Variants in MKRN3 observed in about 807,000 individuals in gnomAD.
The protein encoded by MKRN3 is E3 ubiquitin-protein ligase makorin-3.
For missense variants in MKRN3, 749 were observed against 667.0 expected (o/e 1.12, Z -1.35); for synonymous variants, 301 against 250.2 (o/e 1.20, Z -1.91).
Position 23,566,210 on chromosome 15 carries a change from C to T in MKRN3, c.428C>T (p.Pro143Leu), listed in dbSNP as rs536586920. The part of the protein sequence containing the change: ...SPPGASAGGG[P>L]STAAHIEPPT... ...CCTGGGGCCTCTGCAGGTGGAGGCC[C>T]TAGCACGGCTGCGCACATCGAGCCC... The change falls in exon 1 of 1, where the codon CCT becomes CTT. Residue 143 changes from proline to leucine, a missense_variant. Physicochemically the swap from Pro to Leu is moderately conservative, Grantham distance 98. Coordinates refer to ENST00000314520, the MANE Select transcript of MKRN3 (RefSeq NM_005664.4). 56 of 1,613,656 alleles carry T rather than the reference C, an allele frequency of 3.5e-5. No individual in the cohort carries two copies. In the East Asian group the frequency reaches 4.2e-4, roughly 12 times the overall value.
In MKRN3 at chr15:23,566,082, C is replaced by G. The variant is rs1337381352; in HGVS notation, c.300C>G (p.Ile100Met). Residue 100 changes from isoleucine (I) to methionine (M), a missense_variant, in exon 1 of 1, where the codon ATC becomes ATG. Ile to Met is a conservative substitution (Grantham distance 10). Coordinates refer to ENST00000314520, the MANE Select transcript of MKRN3 (RefSeq NM_005664.4). ...GCGGCATTTGGACAAAGCAGATCAT[C>G]TGCAGGTATTATATACATGGGCAGT... ...RSSGIWTKQI[I>M]CRYYIHGQCK... The G allele has an allele frequency of 5.0e-6, 8 of 1,614,200 alleles. No homozygotes were observed. Among genetic ancestry groups the G allele is most frequent in the Middle Eastern group, 1.6e-4 (1 of 6,062 alleles).
At position 23,567,653 on chromosome 15, in the gene MKRN3, G is replaced by A; in HGVS notation, c.*347G>A. On this transcript the variant is annotated 3_prime_UTR_variant, in exon 1 of 1. Transcript: ENST00000314520. ...TAAATGTGGCAGAGTGAAAGGAGAA[G>A]TTTTAATTGAACTAGTAGCTTTGTG... 4 of 1,089,080 alleles carry A rather than the reference G, an allele frequency of 3.7e-6. No individual in the cohort carries two copies. The African/African-American group carries it at 6.7e-5, about 18-fold the overall frequency. 67.5% of individuals were successfully genotyped at this position (1,089,080 alleles called of 1,614,324 possible).
chr15:23,565,746 A>G lies in MKRN3; in HGVS notation c.-37A>G. On this transcript the variant is annotated 5_prime_UTR_variant, in exon 1 of 1. Transcript: ENST00000314520. ...CAAGCCCATAAAGAAAAAATACCGG[A>G]GAGGTTCTGGCACCATTTCGGGGTG... The G allele has an allele frequency of 6.6e-7, 1 of 1,508,994 alleles. No homozygotes were observed. Among genetic ancestry groups the G allele is most frequent in the Non-Finnish European group, 8.9e-7 (1 of 1,125,734 alleles). The allele number at this position is 1,508,994 out of a possible 1,614,324, so 93.5% of individuals were successfully genotyped here.
Position 23,566,437 on chromosome 15 carries a change from T to G in MKRN3, c.655T>G (p.Ser219Ala), listed in dbSNP as rs778208449. The G allele has an allele frequency of 2.4e-5, 38 of 1,614,102 alleles. No homozygotes were observed. In the South Asian group the frequency reaches 4.2e-4, roughly 18 times the overall value. Residue 219 changes from serine to alanine, a missense_variant, in exon 1 of 1, where the codon TCT (serine) becomes GCT (alanine). Coordinates refer to ENST00000314520, the MANE Select transcript of MKRN3 (RefSeq NM_005664.4). ...GQPYRGRWVA[S>A]APEAPLQSSE... ...GCCCTACCGGGGCCGCTGGGTTGCA[T>G]CTGCCCCCGAGGCTCCTCTACAGAG...
rs1030807940 is a variant in MKRN3 at position 23,567,945 on chromosome 15, G to GA, written c.*646dup. 18 of 711,686 alleles carry GA rather than the reference G, an allele frequency of 2.5e-5. No individual in the cohort carries two copies. Among genetic ancestry groups the GA allele is most frequent in the South Asian group, 6.5e-5 (1 of 15,338 alleles). The allele number at this position is 711,686 out of a possible 1,614,324, so 44.1% of individuals were successfully genotyped here. On this transcript the variant is annotated 3_prime_UTR_variant, in exon 1 of 1. Transcript: ENST00000314520. Reference sequence around the variant, plus strand: ...ATATATGTATAAGAGTTATGTATTTGAAAAAAATATATAAAAGAATATACA... The same window carrying GA: ...ATATATGTATAAGAGTTATGTATTTGAAAAAAAATATATAAAAGAATATACA...
Position 23,566,970 on chromosome 15 carries a change from C to A in MKRN3, c.1188C>A (p.Ser396Arg), listed in dbSNP as rs760883125. ...TTCAGCAATACAAGGAGGCAATGAGCAACAAGGCCTGCAGGTATTTTGCGG... is the reference window on the plus strand; with the variant it reads ...TTCAGCAATACAAGGAGGCAATGAGAAACAAGGCCTGCAGGTATTTTGCGG... ...KLIQQYKEAM[S>R]NKACRYFAEG... is the part of the protein sequence containing the mutation. Residue 396 changes from serine to arginine, a missense_variant, in exon 1 of 1, where the codon AGC (serine) becomes AGA (arginine). Coordinates refer to ENST00000314520, the MANE Select transcript of MKRN3 (RefSeq NM_005664.4). 1.4e-5 allele frequency: 22 copies of A among 1,614,208 alleles called. No homozygotes were observed. The East Asian group carries it at 4.7e-4, about 34-fold the overall frequency.
chr15:23,567,687 G>C lies in MKRN3; in HGVS notation c.*381G>C, dbSNP rs1232985614. 2 of 1,044,646 alleles carry C rather than the reference G, an allele frequency of 1.9e-6. No individual in the cohort carries two copies. Among genetic ancestry groups the C allele is most frequent in the African/African-American group, 3.5e-5 (2 of 57,956 alleles). The allele number at this position is 1,044,646 out of a possible 1,614,324, so 64.7% of individuals were successfully genotyped here. ...GAACTAGTAGCTTTGTGCTATAATA[G>C]CCTTAACAAATGGACCCTTGCAGGG... On this transcript the variant is annotated 3_prime_UTR_variant, in exon 1 of 1. Coordinates refer to ENST00000314520, the MANE Select transcript of MKRN3 (RefSeq NM_005664.4).
At position 23,566,360 on chromosome 15, in the gene MKRN3, G is replaced by C. The variant is rs144024620; in HGVS notation, c.578G>C (p.Gly193Ala). 2.7e-5 allele frequency: 43 copies of C among 1,614,072 alleles called. No individual in the cohort carries two copies. The highest frequency in any genetic ancestry group is 3.6e-5 in the Non-Finnish European group (43 of 1,180,038). The part of the protein sequence containing the change: ...ERDNADRGAA[G>A]GAGVESWADA... ...GACAATGCAGACCGTGGAGCTGCTG[G>C]AGGAGCAGGTGTAGAAAGCTGGGCG... The change falls in exon 1 of 1, where the codon GGA (glycine) becomes GCA (alanine). Residue 193 changes from glycine to alanine, a missense_variant. Transcript: ENST00000314520.
chr15:23,567,419 G>C lies in MKRN3; in HGVS notation c.*113G>C. 6.6e-7 allele frequency: 1 copy of C among 1,514,130 alleles called. No individual in the cohort carries two copies. Among genetic ancestry groups the C allele is most frequent in the Non-Finnish European group, 8.8e-7 (1 of 1,132,364 alleles). 93.8% of individuals were successfully genotyped at this position (1,514,130 alleles called of 1,614,324 possible). On this transcript the variant is annotated 3_prime_UTR_variant, in exon 1 of 1. Transcript: ENST00000314520. ...CAGGGGCTGTTGAGGCAGTGCTTCT[G>C]TTTTCTTGTCTATTCTGCATATCTT...
In MKRN3 at chr15:23,566,278, C is replaced by A. The variant is rs757781328; in HGVS notation, c.496C>A (p.Leu166Ile). 4 of 1,614,000 alleles carry A rather than the reference C, an allele frequency of 2.5e-6. No individual in the cohort carries two copies. Among genetic ancestry groups the A allele is most frequent in the East Asian group, 4.5e-5 (2 of 44,886 alleles). The change falls in exon 1 of 1, where the codon CTT (leucine) becomes ATT (isoleucine). Residue 166 changes from leucine to isoleucine, a missense_variant. Transcript: ENST00000314520. ...VAEAPPAASS[L>I]SLPVIGSAAE... ...GGAAGCCCCCCCGGCTGCATCCTCC[C>A]TTTCCTTGCCTGTGATTGGCTCGGC... is the stretch of plus-strand genomic sequence containing the variant.
Position 23,565,983 on chromosome 15 carries a change from C to T in MKRN3, c.201C>T (p.Leu67=). ...CTGTAGCTCCAGTCCCTGCCCACCTCCGCAGAGGAGGCCTGAGGCCTGCCC... is the reference window on the plus strand; with the variant it reads ...CTGTAGCTCCAGTCCCTGCCCACCTTCGCAGAGGAGGCCTGAGGCCTGCCC... ...PFPVAPVPAH[L]RRGGLRPAPA... Residue 67 remains leucine, a synonymous_variant, in exon 1 of 1, where the codon CTC becomes CTT. Coordinates refer to ENST00000314520, the MANE Select transcript of MKRN3 (RefSeq NM_005664.4). The T allele has an allele frequency of 1.2e-6, 2 of 1,613,824 alleles. No individual in the cohort carries two copies. The highest frequency in any genetic ancestry group is 1.7e-6 in the Non-Finnish European group (2 of 1,179,928).
rs1386614707 is a variant in MKRN3, at chr15:23,566,617, G to A, written c.835G>A (p.Ala279Thr). 3 of 1,614,108 alleles carry A rather than the reference G, an allele frequency of 1.9e-6. No homozygotes were observed. The highest frequency in any genetic ancestry group is 3.3e-5 in the Admixed American group (2 of 60,008). The change falls in exon 1 of 1, where the codon GCT (alanine) becomes ACT (threonine). Residue 279 changes from alanine to threonine, a missense_variant. By Grantham distance (58) the Ala-to-Thr change is moderately conservative. Coordinates refer to ENST00000314520, the MANE Select transcript of MKRN3 (RefSeq NM_005664.4). ...GCTGCAGACCTTGCACCCCATGGAT[G>A]CTGCCCAGAGGGAAGAACATATGAG... ...CGLQTLHPMDAAQREEHMRAC... is the reference protein window; with the variant it reads ...CGLQTLHPMDTAQREEHMRAC...
rs1378619396 is a variant in MKRN3 at position 23,566,337 on chromosome 15, C to T, written c.555C>T (p.Asp185=). 6.2e-7 allele frequency: 1 copy of T among 1,614,180 alleles called. No individual in the cohort carries two copies. The highest frequency in any genetic ancestry group is 8.5e-7 in the Non-Finnish European group (1 of 1,180,036). The change falls in exon 1 of 1, where the codon GAC becomes GAT. Residue 185 remains aspartate (D), a synonymous_variant. Coordinates refer to ENST00000314520, the MANE Select transcript of MKRN3 (RefSeq NM_005664.4). The part of the protein sequence containing the change: ...AERGFFEAER[D]NADRGAAGGA... ...GGGGTTTCTTTGAAGCCGAGAGAGA[C>T]AATGCAGACCGTGGAGCTGCTGGAG...
rs1455327857 is a variant in MKRN3, at chr15:23,567,320, C to T, written c.*14C>T. 1.2e-6 allele frequency: 2 copies of T among 1,611,806 alleles called. No homozygotes were observed. The highest frequency in any genetic ancestry group is 1.7e-6 in the Non-Finnish European group (2 of 1,178,732). On this transcript the variant is annotated 3_prime_UTR_variant, in exon 1 of 1. Coordinates refer to ENST00000314520, the MANE Select transcript of MKRN3 (RefSeq NM_005664.4). The stretch of plus-strand genomic sequence containing the variant: ...TTGATTCTGTAGCATCGTGCTGTGG[C>T]ATGTGGTCTAGTCTGCTGAGGTTCT...
In MKRN3 at chr15:23,566,808, G is replaced by T. The variant is rs1889107391; in HGVS notation, c.1026G>T (p.Arg342Ser). The change falls in exon 1 of 1, where the codon AGG becomes AGT. Residue 342 changes from arginine to serine, a missense_variant. Physicochemically the swap from Arg to Ser is moderately radical, Grantham distance 110. Transcript: ENST00000314520. ...ATTGCAACCATTCCTTCTGTATTAGGTGTATCCGCAGGTGGAGAAGTGCCA... is the reference window on the plus strand; with the variant it reads ...ATTGCAACCATTCCTTCTGTATTAGTTGTATCCGCAGGTGGAGAAGTGCCA... ...LSNCNHSFCI[R>S]CIRRWRSARQ... 2 of 1,614,232 alleles carry T rather than the reference G, an allele frequency of 1.2e-6. No individual in the cohort carries two copies. Among genetic ancestry groups the T allele is most frequent in the African/African-American group, 2.7e-5 (2 of 75,050 alleles).
rs1412553903 is a variant in MKRN3 at position 23,566,796 on chromosome 15, C to T, written c.1014C>T (p.Ser338=). ...GCATTCTTTCCAATTGCAACCATTC[C>T]TTCTGTATTAGGTGTATCCGCAGGT... The part of the protein sequence containing the change: ...RFGILSNCNH[S]FCIRCIRRWR... Residue 338 remains serine, a synonymous_variant, in exon 1 of 1, where the codon TCC becomes TCT. Transcript: ENST00000314520. The T allele has an allele frequency of 3.1e-6, 5 of 1,614,106 alleles. No individual in the cohort carries two copies. Among genetic ancestry groups the T allele is most frequent in the Non-Finnish European group, 3.4e-6 (4 of 1,180,048 alleles).
rs1889134473 is a variant in MKRN3, at chr15:23,567,655, T to A, written c.*349T>A. ...AATGTGGCAGAGTGAAAGGAGAAGT[T>A]TTAATTGAACTAGTAGCTTTGTGCT... On this transcript the variant is annotated 3_prime_UTR_variant, in exon 1 of 1. Coordinates refer to ENST00000314520, the MANE Select transcript of MKRN3 (RefSeq NM_005664.4). 4.6e-6 allele frequency: 5 copies of A among 1,089,030 alleles called. No homozygotes were observed. The highest frequency in any genetic ancestry group is 5.6e-6 in the Non-Finnish European group (5 of 886,358). 67.5% of individuals were successfully genotyped at this position (1,089,030 alleles called of 1,614,324 possible).
In MKRN3 at chr15:23,567,852, C is replaced by T; in HGVS notation, c.*546C>T. 9.2e-6 allele frequency: 9 copies of T among 980,346 alleles called. No homozygotes were observed. Among genetic ancestry groups the T allele is most frequent in the Non-Finnish European group, 1.1e-5 (9 of 812,562 alleles). 60.7% of individuals were successfully genotyped at this position (980,346 alleles called of 1,614,324 possible). On this transcript the variant is annotated 3_prime_UTR_variant, in exon 1 of 1. Transcript: ENST00000314520. ...AGTGTATATGTTTACATGTTTTTAT[C>T]CTGTTTAGCTTGACATGAAATAATT...
rs1161697272 is a variant in MKRN3 at position 23,566,283 on chromosome 15, C to T, written c.501C>T (p.Ser167=). 2.5e-6 allele frequency: 4 copies of T among 1,613,998 alleles called. No homozygotes were observed. The African/African-American group carries it at 5.3e-5, about 22-fold the overall frequency. ...AEAPPAASSL[S]LPVIGSAAER... ...CCCCCCCGGCTGCATCCTCCCTTTC[C>T]TTGCCTGTGATTGGCTCGGCTGCTG... Residue 167 remains serine (S), a synonymous_variant, in exon 1 of 1, where the codon TCC becomes TCT. Coordinates refer to ENST00000314520, the MANE Select transcript of MKRN3 (RefSeq NM_005664.4).
Sources: allele counts gnomAD v4.1 joint callset, GRCh38; gene constraint gnomAD v4.1.1; transcripts MANE v1.5; gene names NCBI Gene and HGNC (gene_info 2026-07-23, HGNC 2026-07-21).